The following ERC2 variants were observed in gnomAD, a reference collection of about 807,000 sequenced individuals.
ERC2 encodes the protein ERC protein 2.
A neutral mutation model predicts 114.8 loss-of-function variants in ERC2; 42 were observed. That is an observed-to-expected ratio of 0.37 (90% CI 0.29 to 0.47). The LOEUF (loss-of-function observed/expected upper bound fraction) is 0.47, where lower values mean the gene tolerates loss of function less well. Ranked by LOEUF, ERC2 falls within the 20% of genes least tolerant of loss-of-function variation. The pLI, the probability that ERC2 is intolerant of heterozygous loss-of-function variation, is 0.99. For synonymous variants in ERC2, 454 were observed against 425.5 expected, an observed-to-expected ratio of 1.07 and a Z score of -0.82; for missense variants, 939 against 1,150.7, an observed-to-expected ratio of 0.82 and a Z score of 2.66.
chr3:56,368,380 A>T (rs187107958), intron 2 of ERC2, among the ~76,000 whole-genome samples: 1 of 152,226 alleles, frequency 6.6e-6, no homozygotes, highest in East Asian at 1.9e-4. Flanking sequence ...GAAGGATATA[A>T]AATAAAGCCA....
chr3:56,169,425 T>G (rs1215316911), intron 4 of ERC2, among the ~76,000 whole-genome samples: 1 of 152,220 alleles, frequency 6.6e-6, no homozygotes, highest in Non-Finnish European at 1.5e-5. Flanking sequence ...TCAGTAATTA[T>G]TATTACTCTA....
chr3:56,110,097 G>A (rs2078880616), intron 6 of ERC2, among the ~76,000 whole-genome samples: 1 of 152,124 alleles, frequency 6.6e-6, no homozygotes, highest in African/African-American at 2.4e-5. Context: ...AACAAAGCAT[G>A]GAAATATATT....
intron 14 of ERC2, among the ~76,000 whole-genome samples, chr3:55,747,421 G>C (rs1383380997): frequency 6.6e-6 from 1 of 152,102 alleles, no homozygotes; most frequent in African/African-American, 2.4e-5. Context: ...GAATAAAATA[G>C]ATTGTCAAAC....
intron 3 of ERC2, among the ~76,000 whole-genome samples, chr3:56,219,973 G>A (rs932184243): frequency 6.6e-5 from 10 of 152,200 alleles, no homozygotes; most frequent in African/African-American, 2.4e-4. Context: ...ATTGCGGAAA[G>A]TGCATTGCAT....
chr3:55,962,319 T>G (rs1244004598), intron 12 of ERC2, among the ~76,000 whole-genome samples: 1 of 152,240 alleles, frequency 6.6e-6, no homozygotes, highest in Non-Finnish European at 1.5e-5. Context: ...ATAGTAAATA[T>G]CTTAGACTTC....
chr3:55,618,524 G>T (rs898367148), intron 17 of ERC2, among the ~76,000 whole-genome samples: 2 of 152,184 alleles, frequency 1.3e-5, no homozygotes, highest in African/African-American at 4.8e-5. Flanking sequence ...CTATAAAAAT[G>T]ATTCCATAGG....
intron 2 of ERC2, among the ~76,000 whole-genome samples, chr3:56,338,414 A>G (rs114042742): frequency 0.02 from 3,043 of 152,190 alleles, 112 homozygotes; most frequent in African/African-American, 0.068. Context: ...GCCTTTCTGT[A>G]CCGCCTGTCT....
chr3:55,685,402 T>A (rs2062275123), intron 16 of ERC2, among the ~76,000 whole-genome samples: 1 of 152,228 alleles, frequency 6.6e-6, no homozygotes. Flanking sequence ...TATCTGTGTT[T>A]ATTTATTATT....
intron 17 of ERC2, among the ~76,000 whole-genome samples, chr3:55,670,408 G>A (rs543854778): frequency 2.0e-5 from 3 of 152,328 alleles, no homozygotes; most frequent in Admixed American, 6.5e-5. Flanking sequence ...CTGTCTTCAC[G>A]ATTCTTAAAG....
At chr3:55,750,860 G>A (rs190381579) in intron 14 of ERC2, among the ~76,000 whole-genome samples, 17 of 152,304 alleles carry the variant, frequency 1.1e-4, no homozygotes, top group Admixed American at 9.8e-4. Context: ...AACATTATGT[G>A]TAAGTTGTTT....
chr3:55,728,713 A>C (rs1369076677), intron 15 of ERC2, among the ~76,000 whole-genome samples: 1 of 152,182 alleles, frequency 6.6e-6, no homozygotes, highest in Non-Finnish European at 1.5e-5. Flanking sequence ...TCCTAGGCAC[A>C]GGCAACCCCC....
intron 17 of ERC2, among the ~76,000 whole-genome samples, chr3:55,518,459 C>T (rs1318316349): frequency 6.6e-6 from 1 of 152,154 alleles, no homozygotes; most frequent in Non-Finnish European, 1.5e-5. Context: ...AACAGAAATG[C>T]TACAATCCTG....
intron 13 of ERC2, among the ~76,000 whole-genome samples, chr3:55,936,330 C>T (rs1010414915): frequency 6.7e-6 from 1 of 150,088 alleles, no homozygotes; most frequent in African/African-American, 2.4e-5. Flanking sequence ...TATTGAATGT[C>T]TACCAAGGGC....
intron 17 of ERC2, among the ~76,000 whole-genome samples, chr3:55,540,014 G>A (rs2054290072): frequency 6.7e-6 from 1 of 148,650 alleles, no homozygotes; most frequent in Admixed American, 6.8e-5. Context: ...TGGATCCCAT[G>A]CCTTATAAAC....
chr3:55,791,229 C>G (rs549766173), intron 14 of ERC2, among the ~76,000 whole-genome samples: 1 of 152,068 alleles, frequency 6.6e-6, no homozygotes, highest in African/African-American at 2.4e-5. Flanking sequence ...CTTGGAGAGC[C>G]TTTAGAGGCA....
chr3:55,757,122 A>C (rs1228925178), intron 14 of ERC2, among the ~76,000 whole-genome samples: 1 of 152,168 alleles, frequency 6.6e-6, no homozygotes, highest in Admixed American at 6.5e-5. Flanking sequence ...TATTCAGAAA[A>C]GAACACAGAA....
chr3:56,173,781 C>G (rs9311598), intron 3 of ERC2: 171,731 of 454,012 alleles, frequency 0.38, 35,228 homozygotes, highest in Middle Eastern at 0.49. Flanking sequence ...AGCAAGTAAT[C>G]ATAGTCCAAA....
intron 2 of ERC2, among the ~76,000 whole-genome samples, chr3:56,296,751 G>C (rs1394428346): frequency 6.6e-6 from 1 of 152,172 alleles, no homozygotes; most frequent in African/African-American, 2.4e-5. Context: ...GAAAAGGTTA[G>C]AAGGAAACTT....
intron 10 of ERC2, among the ~76,000 whole-genome samples, chr3:55,993,119 C>G (rs1330860780): frequency 2.0e-5 from 3 of 152,054 alleles, no homozygotes; most frequent in Non-Finnish European, 4.4e-5. Context: ...AGAAATAACA[C>G]TGCACTGCAA....
Sources: gnomAD v4.1 joint callset for allele counts (sites outside exome capture counted in the v4.1 genomes callset) on GRCh38, gnomAD v4.1.1 for gene constraint, MANE v1.5 for transcripts, NCBI Gene and HGNC (gene_info 2026-07-23, HGNC 2026-07-21) for gene names.